E2F8: variants seen among roughly 807,000 people sequenced by gnomAD.
E2F8 encodes the protein transcription factor E2F8.
A neutral mutation model predicts 80.8 loss-of-function variants in E2F8; 35 were observed. The observed-to-expected ratio is 0.43, with a 90% CI of 0.33 to 0.57. The LOEUF (loss-of-function observed/expected upper bound fraction) is 0.57. Ranked by LOEUF, E2F8 falls within the 20% of genes least tolerant of loss-of-function variation. E2F8 has a pLI of 0.04. For synonymous variants in E2F8, 386 were observed against 395.0 expected (o/e 0.98, Z 0.27); for missense variants, 975 against 1,056.2 (o/e 0.92, Z 1.07).
At chr11:19,233,763 C>T (rs1416045637) in intron 6 of E2F8, among the ~76,000 whole-genome samples, 2 of 152,048 alleles carry the variant, frequency 1.3e-5, no homozygotes, top group Non-Finnish European at 2.9e-5. Flanking sequence ...GCTGAGATTA[C>T]AGGCTTCAGC....
chr11:19,237,973 G>T lies in E2F8; in HGVS notation c.175C>A (p.Pro59Thr). The T allele has an allele frequency of 6.2e-7, 1 of 1,614,174 alleles. No homozygotes were observed. The highest frequency in any genetic ancestry group is 1.7e-5 in the Admixed American group (1 of 60,026). Reference sequence around the variant, plus strand: ...ATGAGCATTTTCAGGTTGGCTGTCGGTGTCCACGGCTCTCCCTGAGAGCCT... The same window carrying T: ...ATGAGCATTTTCAGGTTGGCTGTCGTTGTCCACGGCTCTCCCTGAGAGCCT... ...KEGSQGEPWT[P>T]TANLKMLISA... Residue 59 changes from proline to threonine, a missense_variant, in exon 3 of 13, where the codon CCG becomes ACG. By Grantham distance (38) the Pro-to-Thr change is conservative. Coordinates refer to ENST00000250024, the MANE Select transcript of E2F8 (RefSeq NM_024680.4).
chr11:19,230,452 T>A, intron 8 of E2F8, 124 bp from the exon 9 acceptor site: 1 of 1,198,098 alleles, frequency 8.3e-7, no homozygotes, highest in Non-Finnish European at 1.2e-6. Flanking sequence ...GCATAGCGAT[T>A]AAACAATAAA....
At chr11:19,234,657 G>C in intron 5 of E2F8, 87 bp downstream of exon 5, 1 of 1,527,842 alleles carries the variant, frequency 6.5e-7, no homozygotes, top group Non-Finnish European at 8.8e-7. Context: ...GGCAGCAGTA[G>C]CTTTAGAGCT....
Position 19,224,785 on chromosome 11 carries a change from G to T in E2F8, c.2477C>A (p.Thr826Asn). 6.2e-7 allele frequency: 1 copy of T among 1,614,158 alleles called. No homozygotes were observed. The highest frequency in any genetic ancestry group is 8.5e-7 in the Non-Finnish European group (1 of 1,180,038). Reference protein sequence around the residue: ...SQLVAESFFRTPGGPTKPTSS... With the variant: ...SQLVAESFFRNPGGPTKPTSS... ...GGTTGGCTTGGTGGGTCCACCTGGG[G>T]TACGGAAGAAACTTTCGGCCACTAA... The change falls in exon 13 of 13, where the codon ACC (threonine) becomes AAC (asparagine). Residue 826 changes from threonine (T) to asparagine (N), a missense_variant. Transcript: ENST00000250024.
rs1851344565 is a variant in E2F8, at chr11:19,230,341, A to G, written c.1271-13T>C. 6.2e-7 allele frequency: 1 copy of G among 1,610,658 alleles called. No individual in the cohort carries two copies. Among genetic ancestry groups the G allele is most frequent in the Non-Finnish European group, 8.5e-7 (1 of 1,178,454 alleles). ...TGAGAACTCTCAGCTGGTAAAATAG[A>G]AAGGAAGAGAGCACCGGTCAAAGCT... On this transcript the variant is annotated splice_polypyrimidine_tract_variant and intron_variant, in intron 8 of 12. Transcript: ENST00000250024.
rs79717176 is a variant in E2F8 at position 19,224,375 on chromosome 11, G to C, written c.*283C>G. 7.5e-3 allele frequency: 2,032 copies of C among 269,942 alleles called. 39 individuals are homozygous for C. Among genetic ancestry groups the C allele is most frequent in the African/African-American group, 0.041 (1,876 of 45,460 alleles). The allele number at this position is 269,942 out of a possible 1,614,324, so 16.7% of individuals were successfully genotyped here. On this transcript the variant is annotated 3_prime_UTR_variant, in exon 13 of 13. Coordinates refer to ENST00000250024, the MANE Select transcript of E2F8 (RefSeq NM_024680.4). ...ATAGTATAGGCATAGCTAAAATAAT[G>C]GATTTTTCCCCCTAGAAGTTAATAT...
At chr11:19,227,047 A>G (rs992252955) in intron 10 of E2F8, among the ~76,000 whole-genome samples, 1 of 152,230 alleles carries the variant, frequency 6.6e-6, no homozygotes, top group Non-Finnish European at 1.5e-5. Context: ...AACTGCATGA[A>G]AAGTCTGCTT....
intron 12 of E2F8, 129 bp downstream of exon 12, chr11:19,225,092 C>A (rs1397022322): frequency 7.5e-7 from 1 of 1,342,088 alleles, no homozygotes; most frequent in South Asian, 1.4e-5. Flanking sequence ...GAAACATAGG[C>A]CTTCAATCTC....
chr11:19,230,937 A>G (rs1851364158), intron 7 of E2F8, 103 bp from the exon 8 acceptor site: 1 of 998,746 alleles, frequency 1.0e-6, no homozygotes, highest in African/African-American at 1.6e-5. Flanking sequence ...GTTACAGAGC[A>G]CCGACCATGT....
intron 7 of E2F8, among the ~76,000 whole-genome samples, chr11:19,231,837 C>A (rs143525346): frequency 6.6e-6 from 1 of 152,138 alleles, no homozygotes; most frequent in South Asian, 2.1e-4. Context: ...TTCTATATTG[C>A]CATTCATCTT....
At chr11:19,226,216 T>C (rs1177323594) in intron 10 of E2F8, 1 of 212,878 alleles carries the variant, frequency 4.7e-6, no homozygotes, top group Admixed American at 5.2e-5. Context: ...GATGTAGTAG[T>C]AATTGATTGT....
chr11:19,232,345 C>T lies in E2F8; in HGVS notation c.955G>A (p.Ala319Thr). Residue 319 changes from alanine (A) to threonine (T), a missense_variant, in exon 7 of 13, where the codon GCT becomes ACT. Ala to Thr is a moderately conservative substitution (Grantham distance 58). Coordinates refer to ENST00000250024, the MANE Select transcript of E2F8 (RefSeq NM_024680.4). ...AGATCCAGGCTACTCAGAACATTAG[C>T]TATATCATACAACCTCCTAATTTTT... ...KTKIRRLYDI[A>T]NVLSSLDLIK... is the part of the protein sequence containing the mutation. 1.2e-6 allele frequency: 2 copies of T among 1,613,572 alleles called. No homozygotes were observed. Among genetic ancestry groups the T allele is most frequent in the Non-Finnish European group, 1.7e-6 (2 of 1,179,808 alleles).
intron 9 of E2F8, 101 bp from the exon 10 acceptor site, chr11:19,230,089 T>C: frequency 6.5e-7 from 1 of 1,536,556 alleles, no homozygotes; most frequent in Non-Finnish European, 8.8e-7. Flanking sequence ...TTATGGAACA[T>C]GCAGATAATT....
At position 19,225,843 on chromosome 11, in the gene E2F8, G is replaced by C; in HGVS notation, c.1915C>G (p.Leu639Val). 1 of 1,614,106 alleles carries C rather than the reference G, an allele frequency of 6.2e-7. No individual in the cohort carries two copies. The highest frequency in any genetic ancestry group is 1.3e-5 in the African/African-American group (1 of 75,026). Reference protein sequence around the residue: ...VSATLFPSGYLIPLTQCSSLG... With the variant: ...VSATLFPSGYVIPLTQCSSLG... ...GATGAGCACTGCGTGAGAGGGATTA[G>C]GTATCCTGATGGGAACAAGGTCTAG... The change falls in exon 11 of 13, where the codon CTA becomes GTA. Residue 639 changes from leucine (L) to valine (V), a missense_variant. By Grantham distance (32) the Leu-to-Val change is conservative. Transcript: ENST00000250024.
In E2F8 at chr11:19,233,943, A is replaced by T. The variant is rs919634294; in HGVS notation, c.928+417T>A. On this transcript the variant is annotated intron_variant, in intron 6 of 12. Coordinates refer to ENST00000250024, the MANE Select transcript of E2F8 (RefSeq NM_024680.4). ...GGTGGGTGGATCACGAGGTCAAGAG[A>T]TCGAGATCCTCCTGGCCAACATGGT... Among the ~76,000 whole-genome samples, 3 of 151,250 alleles carry T rather than the reference A, an allele frequency of 2.0e-5. No homozygotes were observed. In the East Asian group the frequency reaches 5.9e-4, roughly 30 times the overall value.
rs10558787 is a variant in E2F8, at chr11:19,224,469, A to ATGTGTG, written c.*183_*188dup. On this transcript the variant is annotated 3_prime_UTR_variant, in exon 13 of 13. Transcript: ENST00000250024. ...GCTAAACTTAGCTTTATACAAATAT[A>ATGTGTG]TGTGTGTGTGTGTGTGTGTGTGTGT... 293 of 360,808 alleles carry ATGTGTG rather than the reference A, an allele frequency of 8.1e-4. 1 individual carries two copies. The highest frequency in any genetic ancestry group is 7.6e-3 in the East Asian group (174 of 23,022). The allele number at this position is 360,808 out of a possible 1,614,324, so 22.4% of individuals were successfully genotyped here.
Position 19,240,111 on chromosome 11 carries a change from T to A in E2F8, c.11A>T (p.Glu4Val). 6.5e-7 allele frequency: 1 copy of A among 1,530,852 alleles called. No homozygotes were observed. Among genetic ancestry groups the A allele is most frequent in the Non-Finnish European group, 8.8e-7 (1 of 1,135,802 alleles). 94.8% of individuals were successfully genotyped at this position (1,530,852 alleles called of 1,614,324 possible). MEN[E>V]KENLFCEPHK... Reference sequence around the variant, plus strand: ...AATACTGAAGTTATAAAGTACCTTTTCGTTCTCCATTCTGTAAATTCCTCA... The same window carrying A: ...AATACTGAAGTTATAAAGTACCTTTACGTTCTCCATTCTGTAAATTCCTCA... Residue 4 changes from glutamate (E) to valine (V), a missense_variant, in exon 2 of 13, where the codon GAA becomes GTA. Glu to Val is a moderately radical substitution (Grantham distance 121). Coordinates refer to ENST00000250024, the MANE Select transcript of E2F8 (RefSeq NM_024680.4).
chr11:19,233,916 G>A (rs1009949925), intron 6 of E2F8, among the ~76,000 whole-genome samples: 55 of 151,576 alleles, frequency 3.6e-4, no homozygotes, highest in Non-Finnish European at 6.3e-4. Context: ...TTGGGAGGCC[G>A]AGGTGGGTGG....
intron 12 of E2F8, 58 bp from the exon 13 acceptor site, chr11:19,224,898 T>C (rs896820621): frequency 6.3e-6 from 10 of 1,581,788 alleles, no homozygotes; most frequent in Non-Finnish European, 8.6e-6. Context: ...TACATAGTCT[T>C]ACCAGACTTG....
Sources: allele counts gnomAD v4.1 joint callset (sites outside exome capture counted in the v4.1 genomes callset), GRCh38; gene constraint gnomAD v4.1.1; transcripts MANE v1.5; gene names NCBI Gene and HGNC (gene_info 2026-07-23, HGNC 2026-07-21).